Variants in PATL2 observed in about 807,000 individuals in gnomAD.
The protein encoded by PATL2 is protein PAT1 homolog 2.
A neutral mutation model predicts 77.0 loss-of-function variants in PATL2; 73 were observed. The ratio of observed to expected loss-of-function variants is 0.95; its 90% CI spans 0.78 to 1.15. PATL2 has a LOEUF of 1.15. PATL2 is among the 50% of genes most tolerant of loss of function. The pLI is 0.00. For synonymous variants in PATL2, 265 were observed against 257.1 expected (o/e 1.03, Z -0.29); for missense variants, 618 against 655.4 (o/e 0.94, Z 0.62).
At chr15:44,705,660 C>A (rs184724705) in intron 3 of PATL2, among the ~76,000 whole-genome samples, 10 of 152,198 alleles carry the variant, frequency 6.6e-5, no homozygotes, top group Admixed American at 5.9e-4. Flanking sequence ...GAGTCTGATG[C>A]ACCCTTATGT....
chr15:44,671,488 C>CA (rs571777244), intron 9 of PATL2, among the ~76,000 whole-genome samples: 3,571 of 106,818 alleles, frequency 0.033, 56 homozygotes, highest in African/African-American at 0.057. Context: ...GACTCTGTCT[C>CA]AAAAAAAAAA....
rs537777212 is a variant in PATL2, at chr15:44,697,180, C to A, written c.-76+12916G>T. ...TCCCCTTCCTCCTCCTCCTTCTCCT[C>A]CTCCTTTCTTTTTCTTCTCCTCTTC... is the stretch of plus-strand genomic sequence containing the variant. On this transcript the variant is annotated intron_variant, in intron 3 of 17. Coordinates refer to ENST00000682850, the MANE Select transcript of PATL2 (RefSeq NM_001387263.1). Among the ~76,000 whole-genome samples, 17 of 152,014 alleles carry A rather than the reference C, an allele frequency of 1.1e-4. No individual in the cohort carries two copies. The East Asian group carries it at 3.3e-3, about 29-fold the overall frequency.
In PATL2 at chr15:44,707,661, T is replaced by G. The variant is rs186387828; in HGVS notation, c.-76+2435A>C. ...TCTTCTCAAGCAGAGGAAAGAAGTC[T>G]CTCTCTGAGCTTTGAGCTGCCCTGC... On this transcript the variant is annotated intron_variant, in intron 3 of 17. Transcript: ENST00000682850. 4.6e-5 allele frequency among the ~76,000 whole-genome samples: 7 copies of G among 152,256 alleles called. No homozygotes were observed. In the East Asian group the frequency reaches 1.4e-3, roughly 29 times the overall value.
chr15:44,666,893 G>A (rs1346759379), intron 16 of PATL2: 5 of 522,776 alleles, frequency 9.6e-6, no homozygotes, highest in African/African-American at 1.9e-5. Context: ...TCTAAAGCTT[G>A]TCCCCTTAGG....
chr15:44,668,498 T>TAA lies in PATL2; in HGVS notation c.1225-18_1225-17dup. On this transcript the variant is annotated splice_polypyrimidine_tract_variant and intron_variant, in intron 14 of 17. Coordinates refer to ENST00000682850, the MANE Select transcript of PATL2 (RefSeq NM_001387263.1). ...TTTGTAGGGCCTGCAAGAAGATCAG[T>TAA]AAGCACCTCCCAAATTCCACTACAA... is the stretch of plus-strand genomic sequence containing the variant. 6.5e-7 allele frequency: 1 copy of TAA among 1,548,324 alleles called. No homozygotes were observed. The highest frequency in any genetic ancestry group is 2.4e-5 in the East Asian group (1 of 40,854).
intron 9 of PATL2, among the ~76,000 whole-genome samples, chr15:44,671,531 C>T (rs1458908729): frequency 2.6e-5 from 4 of 151,712 alleles, no homozygotes; most frequent in Non-Finnish European, 5.9e-5. Context: ...CTAGACAACC[C>T]AAAAACTTGT....
chr15:44,708,561 T>C lies in PATL2; in HGVS notation c.-76+1535A>G, dbSNP rs532797773. On this transcript the variant is annotated intron_variant, in intron 3 of 17. Transcript: ENST00000682850. ...GGAGTTTTATATAAACAGAATCATA[T>C]AGTATATGTTCTTTTCTGTCTGACT... Among the ~76,000 whole-genome samples the C allele has an allele frequency of 7.9e-5, 12 of 152,348 alleles. No homozygotes were observed. The South Asian group carries it at 2.1e-3, about 26-fold the overall frequency.
chr15:44,705,400 T>C (rs899933555), intron 3 of PATL2, among the ~76,000 whole-genome samples: 1 of 152,174 alleles, frequency 6.6e-6, no homozygotes, highest in African/African-American at 2.4e-5. Context: ...GAGGCTGCTC[T>C]CGAACTCCTG....
intron 3 of PATL2, among the ~76,000 whole-genome samples, chr15:44,680,280 A>G (rs1263008192): frequency 1.3e-5 from 2 of 152,036 alleles, no homozygotes; most frequent in Non-Finnish European, 2.9e-5. Flanking sequence ...GCTGTTCTTT[A>G]ATTTGTCCTT....
intron 3 of PATL2, among the ~76,000 whole-genome samples, chr15:44,692,116 A>G (rs2086406227): frequency 6.6e-6 from 1 of 152,230 alleles, no homozygotes; most frequent in Non-Finnish European, 1.5e-5. Context: ...TAAACGGTTA[A>G]ATAAAAAGCA....
intron 3 of PATL2, among the ~76,000 whole-genome samples, chr15:44,685,102 A>G (rs1270602278): frequency 6.6e-6 from 1 of 152,254 alleles, no homozygotes; most frequent in East Asian, 1.9e-4. Context: ...AGGAAGCACT[A>G]AACATGGAAA....
At chr15:44,674,438 G>A in intron 5 of PATL2, 1 of 552,990 alleles carries the variant, frequency 1.8e-6, no homozygotes. Flanking sequence ...TAGTGCAGTG[G>A]TCCTCCCTTA....
chr15:44,686,679 G>T (rs984803796), intron 3 of PATL2, among the ~76,000 whole-genome samples: 1 of 151,978 alleles, frequency 6.6e-6, no homozygotes, highest in Admixed American at 6.6e-5. Flanking sequence ...AAGAAGAAAA[G>T]AGAGAAGAAT....
chr15:44,711,105 C>G lies in PATL2; in HGVS notation c.-339G>C. 3.2e-6 allele frequency: 1 copy of G among 315,980 alleles called. No individual in the cohort carries two copies. The highest frequency in any genetic ancestry group is 6.2e-6 in the Non-Finnish European group (1 of 161,798). 19.6% of individuals were successfully genotyped at this position (315,980 alleles called of 1,614,324 possible). On this transcript the variant is annotated 5_prime_UTR_variant, in exon 1 of 18. Transcript: ENST00000682850. ...CTTCTGCTAGGTAGCATTCAAAGAT[C>G]TTAATCTTCTGGGTTTCCGTTTTCT...
At chr15:44,700,397 G>T (rs2086602999) in intron 3 of PATL2, among the ~76,000 whole-genome samples, 2 of 152,090 alleles carry the variant, frequency 1.3e-5, no homozygotes, top group African/African-American at 4.8e-5. Flanking sequence ...CACCTCCTGG[G>T]TTCAAGTGAT....
chr15:44,706,738 A>T (rs186212778), intron 3 of PATL2, among the ~76,000 whole-genome samples: 1 of 152,236 alleles, frequency 6.6e-6, no homozygotes, highest in Non-Finnish European at 1.5e-5. Flanking sequence ...CCCAAGGCCT[A>T]TGGTAACCAC....
At chr15:44,686,325 A>G (rs1481480254) in intron 3 of PATL2, among the ~76,000 whole-genome samples, 3 of 152,234 alleles carry the variant, frequency 2.0e-5, no homozygotes, top group Non-Finnish European at 4.4e-5. Context: ...AAATAACAAT[A>G]TTAAGGCAGA....
At chr15:44,691,433 G>A (rs547617388) in intron 3 of PATL2, among the ~76,000 whole-genome samples, 11 of 152,240 alleles carry the variant, frequency 7.2e-5, no homozygotes, top group South Asian at 2.1e-4. Context: ...CAAGGCAGGC[G>A]GATCACTTGA....
In PATL2 at chr15:44,665,945, C is replaced by T. The variant is rs1192972587; in HGVS notation, c.*8G>A. The T allele has an allele frequency of 1.3e-6, 2 of 1,546,382 alleles. No individual in the cohort carries two copies. The highest frequency in any genetic ancestry group is 1.7e-6 in the Non-Finnish European group (2 of 1,145,688). On this transcript the variant is annotated 3_prime_UTR_variant, in exon 18 of 18. Coordinates refer to ENST00000682850, the MANE Select transcript of PATL2 (RefSeq NM_001387263.1). ...CTTCCCACATACACGTATTCCAGAA[C>T]AAACAGATCAGTAAATCCAGGCAAA...
Sources: allele counts gnomAD v4.1 joint callset (sites outside exome capture counted in the v4.1 genomes callset), GRCh38; gene constraint gnomAD v4.1.1; transcripts MANE v1.5; gene names NCBI Gene and HGNC (gene_info 2026-07-23, HGNC 2026-07-21).